TAF1B: variants seen among roughly 807,000 people sequenced by gnomAD.
TAF1B encodes TATA box-binding protein-associated factor RNA polymerase I subunit B.
In TAF1B, 61 loss-of-function variants were observed where a neutral mutation model predicts 83.9. The ratio of observed to expected loss-of-function variants is 0.73; its 90% CI spans 0.59 to 0.90. The LOEUF is 0.90. TAF1B is among the 40% of genes least tolerant of loss of function. TAF1B has a pLI of 0.00. For missense variants in TAF1B, 625 were observed against 677.0 expected (o/e 0.92, Z 0.85); for synonymous variants, 221 against 224.6 (o/e 0.98, Z 0.14).
chr2:9,850,364 T>C (rs2125134867), intron 3 of TAF1B, among the ~76,000 whole-genome samples: 1 of 152,284 alleles, frequency 6.6e-6, no homozygotes, highest in South Asian at 2.1e-4. Flanking sequence ...ATGCCATCCA[T>C]TATGGAAAAT....
chr2:9,924,250 A>AC lies in TAF1B; in HGVS notation c.1565+4431dup, dbSNP rs572481241. Among the ~76,000 whole-genome samples the AC allele has an allele frequency of 5.9e-3, 898 of 152,318 alleles. 2 individuals carry two copies. The highest frequency in any genetic ancestry group is 9.4e-3 in the Non-Finnish European group (639 of 68,044). ...CAGTAAAAATGCCACAGAGACCGTG[A>AC]CTAAAACTCAGCCTTTTTTCTCAGA... On this transcript the variant is annotated intron_variant, in intron 14 of 14. Transcript: ENST00000263663.
intron 9 of TAF1B, among the ~76,000 whole-genome samples, chr2:9,907,115 C>A (rs541055897): frequency 6.6e-5 from 10 of 151,252 alleles, no homozygotes; most frequent in Admixed American, 3.9e-4. Flanking sequence ...CTTGAACCTC[C>A]AGGCTCAAGC....
intron 14 of TAF1B, among the ~76,000 whole-genome samples, chr2:9,928,044 G>A (rs71437684): frequency 0.27 from 41,738 of 151,902 alleles, 6,769 homozygotes; most frequent in Middle Eastern, 0.4. Flanking sequence ...TTTTGTATAA[G>A]GTGTAAGGAA....
intron 9 of TAF1B, among the ~76,000 whole-genome samples, chr2:9,906,854 T>C (rs1432479608): frequency 1.3e-5 from 2 of 152,214 alleles, no homozygotes; most frequent in East Asian, 3.8e-4. Context: ...GTATTACTTA[T>C]TAATGGGCAC....
At chr2:9,911,388 C>G in intron 10 of TAF1B, 123 bp from the exon 11 acceptor site, 3 of 700,742 alleles carry the variant, frequency 4.3e-6, no homozygotes, top group Non-Finnish European at 6.9e-6. Context: ...GTGATTGCTT[C>G]TCCATTAAAA....
At chr2:9,848,118 C>G (rs1228466519) in intron 2 of TAF1B, among the ~76,000 whole-genome samples, 1 of 152,024 alleles carries the variant, frequency 6.6e-6, no homozygotes, top group Non-Finnish European at 1.5e-5. Context: ...GTTTTACTGT[C>G]TTTGCTAGAT....
At chr2:9,859,461 A>G (rs534234036) in intron 5 of TAF1B, among the ~76,000 whole-genome samples, 15 of 147,640 alleles carry the variant, frequency 1.0e-4, no homozygotes, top group African/African-American at 3.5e-4. Flanking sequence ...ATCTTGGCTC[A>G]TTGCAACCTC....
intron 9 of TAF1B, among the ~76,000 whole-genome samples, chr2:9,907,469 A>G (rs1431774937): frequency 1.3e-5 from 2 of 152,092 alleles, no homozygotes; most frequent in Admixed American, 1.3e-4. Flanking sequence ...GCGGTTTTAA[A>G]CATGCTGAGA....
chr2:9,846,500 A>G (rs983275760), intron 2 of TAF1B, among the ~76,000 whole-genome samples: 1 of 152,248 alleles, frequency 6.6e-6, no homozygotes, highest in Non-Finnish European at 1.5e-5. Context: ...TTGGGACATT[A>G]AAAGTAACTG....
chr2:9,919,096 G>A lies in TAF1B; in HGVS notation c.1327G>A (p.Ala443Thr). ...LYYSFVDKPV[A>T]YKKREMVVNL... ...CTACTCATTTGTCGACAAACCAGTAGCATATAAAAAAAGAGGTAAGTCAAA... is the reference window on the plus strand; with the variant it reads ...CTACTCATTTGTCGACAAACCAGTAACATATAAAAAAAGAGGTAAGTCAAA... The change falls in exon 13 of 15, where the codon GCA (alanine) becomes ACA (threonine). Residue 443 changes from alanine to threonine, a missense_variant. Ala to Thr is a moderately conservative substitution (Grantham distance 58). Coordinates refer to ENST00000263663, the MANE Select transcript of TAF1B (RefSeq NM_005680.3). 5 of 1,613,970 alleles carry A rather than the reference G, an allele frequency of 3.1e-6. No individual in the cohort carries two copies. Among genetic ancestry groups the A allele is most frequent in the Non-Finnish European group, 4.2e-6 (5 of 1,179,984 alleles).
chr2:9,918,532 C>T (rs1336555739), intron 12 of TAF1B, among the ~76,000 whole-genome samples: 1 of 152,224 alleles, frequency 6.6e-6, no homozygotes, highest in Non-Finnish European at 1.5e-5. Flanking sequence ...GGGACTGTGT[C>T]ATCCTGGAAT....
chr2:9,933,424 T>C (rs930023560), intron 14 of TAF1B, among the ~76,000 whole-genome samples: 9 of 152,242 alleles, frequency 5.9e-5, no homozygotes, highest in African/African-American at 2.2e-4. Context: ...TTGTTTTCTT[T>C]AGTTTGTTTT....
chr2:9,883,167 AAG>A (rs1664565972), intron 8 of TAF1B, among the ~76,000 whole-genome samples: 1 of 152,232 alleles, frequency 6.6e-6, no homozygotes, highest in South Asian at 2.1e-4. Context: ...CTATGGAAGA[AAG>A]AGAAGAAAGT....
intron 7 of TAF1B, among the ~76,000 whole-genome samples, chr2:9,879,059 A>C: frequency 6.6e-6 from 1 of 152,186 alleles, no homozygotes; most frequent in Non-Finnish European, 1.5e-5. Context: ...CTTACCACAG[A>C]AGATATGTTC....
At chr2:9,929,703 A>G (rs960722719) in intron 14 of TAF1B, among the ~76,000 whole-genome samples, 29 of 152,216 alleles carry the variant, frequency 1.9e-4, no homozygotes, top group Admixed American at 1.9e-3. Flanking sequence ...CCTCATAAAA[A>G]TGAGTTAGGG....
Position 9,914,881 on chromosome 2 carries a change from G to A in TAF1B, c.1271+1632G>A, listed in dbSNP as rs2125175332. Among the ~76,000 whole-genome samples the A allele has an allele frequency of 6.6e-6, 1 of 152,234 alleles. No individual in the cohort carries two copies. Among genetic ancestry groups the A allele is most frequent in the African/African-American group, 2.4e-5 (1 of 41,534 alleles). ...CAGGCCCAGAGCTCAGTGCGTGGTG[G>A]CCACCTGTCGGTTTCACCCTTCCCC... On this transcript the variant is annotated intron_variant, in intron 12 of 14. Coordinates refer to ENST00000263663, the MANE Select transcript of TAF1B (RefSeq NM_005680.3). The surrounding 1 kb of genome is among the most constrained non-coding windows in gnomAD (Gnocchi z 4.3).
intron 2 of TAF1B, 105 bp downstream of exon 2, chr2:9,845,423 C>A: frequency 1.2e-6 from 1 of 807,280 alleles, no homozygotes; most frequent in South Asian, 1.5e-5. Flanking sequence ...TTTTGTCACT[C>A]ATGCAATGCC....
chr2:9,911,660 A>G (rs770007016), intron 11 of TAF1B, 103 bp downstream of exon 11: 21 of 700,074 alleles, frequency 3.0e-5, no homozygotes, highest in Non-Finnish European at 4.5e-5. Context: ...ACATATACAC[A>G]TAAACACATG....
chr2:9,888,774 AT>A (rs1664761411), intron 8 of TAF1B, among the ~76,000 whole-genome samples: 1 of 27,936 alleles, frequency 3.6e-5, no homozygotes, highest in Non-Finnish European at 6.6e-5. Flanking sequence ...AGTTTTCTTT[AT>A]GTTTCTTCTG....
Sources: allele counts gnomAD v4.1 joint callset (sites outside exome capture counted in the v4.1 genomes callset), GRCh38; gene constraint gnomAD v4.1.1; non-coding constraint Gnocchi (gnomAD v3.1); transcripts MANE v1.5; gene names NCBI Gene and HGNC (gene_info 2026-07-23, HGNC 2026-07-21).